TMPRSS11F: variants seen among roughly 807,000 people sequenced by gnomAD.
The protein encoded by TMPRSS11F is transmembrane serine protease 11F.
A neutral mutation model predicts 60.2 loss-of-function variants in TMPRSS11F; 47 were observed. The ratio of observed to expected loss-of-function variants is 0.78; its 90% CI spans 0.62 to 1.00. The LOEUF (loss-of-function observed/expected upper bound fraction) is 1.00. Among genes scored for constraint, TMPRSS11F ranks in the 50% least tolerant of loss-of-function variants. TMPRSS11F has a pLI of 0.00. For missense variants in TMPRSS11F, 519 were observed against 522.9 expected, an observed-to-expected ratio of 0.99 and a Z score of 0.07; for synonymous variants, 166 against 167.3, an observed-to-expected ratio of 0.99 and a Z score of 0.06.
intron 3 of TMPRSS11F, among the ~76,000 whole-genome samples, chr4:68,090,210 A>G (rs1296522857): frequency 6.6e-6 from 1 of 152,058 alleles, no homozygotes; most frequent in Admixed American, 6.6e-5. Context: ...TTCTTATGTT[A>G]AAAAAGAATA....
intron 1 of TMPRSS11F, among the ~76,000 whole-genome samples, chr4:68,129,238 T>C (rs1301726515): frequency 1.3e-5 from 2 of 152,098 alleles, no homozygotes; most frequent in Admixed American, 6.6e-5. Context: ...ATCAATTATT[T>C]TGGAGTTCAA....
intron 3 of TMPRSS11F, among the ~76,000 whole-genome samples, chr4:68,083,667 TA>T (rs1248527802): frequency 1.4e-5 from 2 of 140,372 alleles, no homozygotes; most frequent in African/African-American, 3.1e-5. Context: ...ATAATAATAA[TA>T]AAAAAAGCCC....
At chr4:68,078,444 A>G (rs1033079173) in intron 3 of TMPRSS11F, among the ~76,000 whole-genome samples, 3 of 152,166 alleles carry the variant, frequency 2.0e-5, no homozygotes, top group Admixed American at 6.5e-5. Flanking sequence ...ATTAATAGCA[A>G]TTATCACACT....
At chr4:68,085,591 A>G (rs923125245) in intron 3 of TMPRSS11F, among the ~76,000 whole-genome samples, 3 of 152,198 alleles carry the variant, frequency 2.0e-5, no homozygotes, top group Admixed American at 1.3e-4. Context: ...TTAAATGTCA[A>G]TGGTCTAAAT....
intron 8 of TMPRSS11F, among the ~76,000 whole-genome samples, chr4:68,060,331 C>T (rs1294420844): frequency 6.7e-6 from 1 of 149,660 alleles, no homozygotes; most frequent in Non-Finnish European, 1.5e-5. Context: ...CACGGTGAAA[C>T]CCTGTCTCTA....
rs191961844 is a variant in TMPRSS11F at position 68,106,266 on chromosome 4, T to G, written c.12-7228A>C. Among the ~76,000 whole-genome samples, 91 of 152,278 alleles carry G rather than the reference T, an allele frequency of 6.0e-4. 1 individual carries two copies. The highest frequency in any genetic ancestry group is 5.9e-4 in the Admixed American group (9 of 15,290). ...TGGCAGTGGGATTCCCTTTGGGAGA[T>G]CTCTTTCTATGGTAGGTCTATTGGC... On this transcript the variant is annotated intron_variant, in intron 1 of 9. Transcript: ENST00000356291.
chr4:68,094,841 T>C (rs892306726), intron 2 of TMPRSS11F, among the ~76,000 whole-genome samples: 7 of 140,774 alleles, frequency 5.0e-5, no homozygotes, highest in African/African-American at 1.5e-4. Context: ...AAATATTTCA[T>C]GCAACTCTAT....
At chr4:68,079,838 T>C (rs1723655253) in intron 3 of TMPRSS11F, among the ~76,000 whole-genome samples, 1 of 152,220 alleles carries the variant, frequency 6.6e-6, no homozygotes, top group Non-Finnish European at 1.5e-5. Context: ...AATAACATAT[T>C]TGAAACAATA....
chr4:68,062,960 A>G, intron 8 of TMPRSS11F: 1 of 742,060 alleles, frequency 1.3e-6, no homozygotes, highest in Non-Finnish European at 2.5e-6. Context: ...AATTTCTGGA[A>G]CTGACCCGTC....
At chr4:68,097,453 C>G (rs1444700583) in intron 2 of TMPRSS11F, among the ~76,000 whole-genome samples, 1 of 152,118 alleles carries the variant, frequency 6.6e-6, no homozygotes. Flanking sequence ...ACCTTCTTTC[C>G]TCCCTTTTAT....
intron 7 of TMPRSS11F, 136 bp downstream of exon 7, chr4:68,068,482 T>A: frequency 1.5e-6 from 1 of 664,254 alleles, no homozygotes; most frequent in Non-Finnish European, 2.6e-6. Context: ...GGAAGCATAA[T>A]CCATTTAGGG....
intron 1 of TMPRSS11F, among the ~76,000 whole-genome samples, chr4:68,127,613 A>C (rs1456405856): frequency 6.6e-6 from 1 of 152,142 alleles, no homozygotes; most frequent in African/African-American, 2.4e-5. Context: ...AAGCATTCAA[A>C]AGGACTTCAG....
chr4:68,125,274 T>C (rs562950011), intron 1 of TMPRSS11F, among the ~76,000 whole-genome samples: 3 of 152,086 alleles, frequency 2.0e-5, no homozygotes, highest in South Asian at 4.1e-4. Flanking sequence ...ATAATAATGC[T>C]ATATAAATTG....
intron 8 of TMPRSS11F, among the ~76,000 whole-genome samples, chr4:68,060,187 C>CA (rs34182036): frequency 0.29 from 42,711 of 146,314 alleles, 6,111 homozygotes; most frequent in East Asian, 0.47. Flanking sequence ...AAAATTCTGT[C>CA]AAAAAAAAAA....
intron 1 of TMPRSS11F, among the ~76,000 whole-genome samples, chr4:68,128,902 G>A (rs1724764712): frequency 6.6e-6 from 1 of 152,072 alleles, no homozygotes; most frequent in Non-Finnish European, 1.5e-5. Flanking sequence ...GGGAGGGCAG[G>A]AACACTCATC....
At chr4:68,087,719 T>G (rs1325118683) in intron 3 of TMPRSS11F, among the ~76,000 whole-genome samples, 1 of 151,332 alleles carries the variant, frequency 6.6e-6, no homozygotes, top group Non-Finnish European at 1.5e-5. Flanking sequence ...ATTTATTTAT[T>G]TATTTATTTA....
intron 1 of TMPRSS11F, among the ~76,000 whole-genome samples, chr4:68,120,159 T>C (rs1724596067): frequency 6.6e-6 from 1 of 152,138 alleles, no homozygotes. Flanking sequence ...AGTTGCTTCT[T>C]ATGGATCAAA....
chr4:68,093,269 G>A (rs1019589725), intron 2 of TMPRSS11F, among the ~76,000 whole-genome samples: 1 of 152,124 alleles, frequency 6.6e-6, no homozygotes, highest in African/African-American at 2.4e-5. Context: ...TTATATAAGA[G>A]TACTGAAGCT....
intron 1 of TMPRSS11F, among the ~76,000 whole-genome samples, chr4:68,105,689 A>G (rs1489966850): frequency 6.6e-6 from 1 of 152,214 alleles, no homozygotes; most frequent in African/African-American, 2.4e-5. Context: ...GTTTATAGTT[A>G]AGAATATTTC....
Sources: gnomAD v4.1 joint callset for allele counts (sites outside exome capture counted in the v4.1 genomes callset) on GRCh38, gnomAD v4.1.1 for gene constraint, MANE v1.5 for transcripts, NCBI Gene and HGNC (gene_info 2026-07-23, HGNC 2026-07-21) for gene names.